The following LRRC49 variants were observed in gnomAD, a reference collection of about 807,000 sequenced individuals.
LRRC49 encodes the protein leucine rich repeat containing 49.
A neutral mutation model predicts 83.3 loss-of-function variants in LRRC49; 50 were observed. The observed-to-expected ratio is 0.60, with a 90% CI of 0.48 to 0.76. The LOEUF is 0.76. Among genes scored for constraint, LRRC49 ranks in the 30% least tolerant of loss-of-function variants. The probability of loss-of-function intolerance (pLI) is 0.00; values close to 1 mark genes in which losing one functional copy is unlikely to be tolerated. For synonymous variants in LRRC49, 286 were observed against 283.3 expected (o/e 1.01, Z -0.10); for missense variants, 704 against 809.1 (o/e 0.87, Z 1.58).
At chr15:71,005,741 G>A (rs2038434048) in intron 11 of LRRC49, among the ~76,000 whole-genome samples, 1 of 151,980 alleles carries the variant, frequency 6.6e-6, no homozygotes, top group Non-Finnish European at 1.5e-5. Flanking sequence ...GTAGATAGTG[G>A]GCTTTGAGGA....
chr15:70,877,455 A>G (rs944820308), intron 2 of LRRC49, among the ~76,000 whole-genome samples: 1 of 152,152 alleles, frequency 6.6e-6, no homozygotes, highest in African/African-American at 2.4e-5. Context: ...TAGAATGTGT[A>G]CTTTTATTTG....
At chr15:70,953,772 T>G (rs1310027119) in intron 8 of LRRC49, among the ~76,000 whole-genome samples, 1 of 152,246 alleles carries the variant, frequency 6.6e-6, no homozygotes, top group Non-Finnish European at 1.5e-5. Context: ...AGGTTTGGTC[T>G]CTATGTAATC....
intron 15 of LRRC49, among the ~76,000 whole-genome samples, chr15:71,047,629 G>A (rs1311207361): frequency 6.6e-6 from 1 of 152,166 alleles, no homozygotes; most frequent in Non-Finnish European, 1.5e-5. Context: ...TCAGCAAAGA[G>A]AGATAGTTTG....
At chr15:70,988,735 T>A (rs550024307) in intron 11 of LRRC49, among the ~76,000 whole-genome samples, 191 of 152,348 alleles carry the variant, frequency 1.3e-3, no homozygotes, top group Admixed American at 2.7e-3. Context: ...CTAGTCTCGA[T>A]GGCCTTTACA....
chr15:70,997,107 T>A (rs927538300), intron 11 of LRRC49, among the ~76,000 whole-genome samples: 1 of 152,176 alleles, frequency 6.6e-6, no homozygotes, highest in Non-Finnish European at 1.5e-5. Flanking sequence ...TGATCTTCTG[T>A]CTGGTTGTTC....
At chr15:70,925,001 A>G (rs1344983668) in intron 7 of LRRC49, among the ~76,000 whole-genome samples, 1 of 151,978 alleles carries the variant, frequency 6.6e-6, no homozygotes, top group African/African-American at 2.4e-5. Flanking sequence ...GAAGTCCTTC[A>G]GATTTACTAT....
chr15:71,002,807 G>A (rs2038307687), intron 11 of LRRC49, among the ~76,000 whole-genome samples: 1 of 151,924 alleles, frequency 6.6e-6, no homozygotes. Context: ...CCTAAATAAT[G>A]TCTCTTTTCA....
chr15:71,034,278 A>G lies in LRRC49; in HGVS notation c.1704-2901A>G, dbSNP rs1416780587. Among the ~76,000 whole-genome samples, 3 of 152,090 alleles carry G rather than the reference A, an allele frequency of 2.0e-5. No individual in the cohort carries two copies. The South Asian group carries it at 6.2e-4, about 31-fold the overall frequency. ...GATTTATGTGGCCAACAAACATATG[A>G]AAAAAAGGTCGACATCACTGATTAT... On this transcript the variant is annotated intron_variant, in intron 14 of 15. Transcript: ENST00000260382.
intron 7 of LRRC49, among the ~76,000 whole-genome samples, chr15:70,927,322 C>T (rs2035238661): frequency 1.3e-5 from 2 of 152,064 alleles, no homozygotes; most frequent in South Asian, 4.1e-4. Flanking sequence ...CAGTTCAAAT[C>T]TGTTACCTGT....
chr15:70,901,138 C>A (rs2034059696), intron 4 of LRRC49, 114 bp downstream of exon 4: 1 of 607,524 alleles, frequency 1.6e-6, no homozygotes, highest in Non-Finnish European at 2.8e-6. Flanking sequence ...TTATTCAATT[C>A]TCCTATTTAG....
intron 5 of LRRC49, among the ~76,000 whole-genome samples, chr15:70,906,316 C>T (rs371337591): frequency 2.6e-4 from 40 of 151,838 alleles, no homozygotes; most frequent in African/African-American, 8.0e-4. Flanking sequence ...AGGATGGTCT[C>T]GATTTCTTGA....
rs570824530 is a variant in LRRC49, at chr15:71,027,026, G to A, written c.1704-10153G>A. Among the ~76,000 whole-genome samples the A allele has an allele frequency of 2.6e-5, 4 of 152,270 alleles. No homozygotes were observed. The East Asian group carries it at 7.7e-4, about 29-fold the overall frequency. ...TCATGAAGTCTTTGCCCATGACTATGTCCTGAATGGTATTGCCTAGGTTTT... is the reference window on the plus strand; with the variant it reads ...TCATGAAGTCTTTGCCCATGACTATATCCTGAATGGTATTGCCTAGGTTTT... On this transcript the variant is annotated intron_variant, in intron 14 of 15. Coordinates refer to ENST00000260382, the MANE Select transcript of LRRC49 (RefSeq NM_017691.5).
chr15:70,932,986 C>A (rs544545686), intron 7 of LRRC49, among the ~76,000 whole-genome samples: 2 of 152,160 alleles, frequency 1.3e-5, no homozygotes, highest in South Asian at 4.1e-4. Flanking sequence ...CACCTCACCT[C>A]CCAAATTGCT....
intron 1 of LRRC49, among the ~76,000 whole-genome samples, chr15:70,866,798 TAACACAATTTCATTC>T (rs2032923637): frequency 6.6e-6 from 1 of 151,962 alleles, no homozygotes; most frequent in Non-Finnish European, 1.5e-5. Context: ...GGACAGAAAT[TAACACAATTTCATTC>T]AGTCCTTGCC....
At chr15:71,022,328 G>A (rs996808471) in intron 14 of LRRC49, among the ~76,000 whole-genome samples, 2 of 152,094 alleles carry the variant, frequency 1.3e-5, no homozygotes, top group Non-Finnish European at 2.9e-5. Flanking sequence ...AGTTGAGATT[G>A]TGCAACTGCA....
intron 9 of LRRC49, among the ~76,000 whole-genome samples, chr15:70,972,048 C>T (rs1197851254): frequency 2.6e-5 from 4 of 151,900 alleles, no homozygotes; most frequent in Non-Finnish European, 5.9e-5. Flanking sequence ...GTGTTTTTTG[C>T]CCATTAGTTG....
chr15:70,898,940 G>T (rs1292019998), intron 3 of LRRC49, among the ~76,000 whole-genome samples: 1 of 151,886 alleles, frequency 6.6e-6, no homozygotes, highest in Non-Finnish European at 1.5e-5. Context: ...TTTAACTGCG[G>T]ATCTCTCTGG....
intron 9 of LRRC49, among the ~76,000 whole-genome samples, chr15:70,969,603 C>T (rs1015243143): frequency 8.5e-5 from 13 of 152,162 alleles, no homozygotes; most frequent in Non-Finnish European, 1.5e-4. Context: ...TTGATTCTTC[C>T]TATCCACGAG....
chr15:70,928,146 A>G (rs919483611), intron 7 of LRRC49, among the ~76,000 whole-genome samples: 6 of 152,118 alleles, frequency 3.9e-5, no homozygotes, highest in African/African-American at 9.7e-5. Flanking sequence ...ATTCTGTTCC[A>G]TCTATTCGTC....
Sources: gnomAD v4.1 joint callset for allele counts (sites outside exome capture counted in the v4.1 genomes callset) on GRCh38, gnomAD v4.1.1 for gene constraint, MANE v1.5 for transcripts, NCBI Gene and HGNC (gene_info 2026-07-23, HGNC 2026-07-21) for gene names.